The following TMEM260 variants were observed in gnomAD, a reference collection of about 807,000 sequenced individuals.
TMEM260 encodes transmembrane protein 260.
TMEM260 carries 82 observed loss-of-function variants against 88.9 expected under a neutral mutation model. The ratio of observed to expected loss-of-function variants is 0.92; its 90% confidence interval spans 0.77 to 1.11. TMEM260 has a LOEUF of 1.11. Among genes scored for constraint, TMEM260 ranks in the 50% least tolerant of loss-of-function variants. The pLI is 0.00. For synonymous variants in TMEM260, 314 were observed against 309.3 expected (o/e 1.02, Z -0.16); for missense variants, 902 against 853.4 (o/e 1.06, Z -0.71).
chr14:56,616,355 A>G (rs1259234080), intron 8 of TMEM260: 3 of 182,814 alleles, frequency 1.6e-5, no homozygotes, highest in Non-Finnish European at 3.4e-5. Flanking sequence ...TCTGATGATA[A>G]AAGTGATCCG....
chr14:56,581,768 T>C (rs1275785330), intron 1 of TMEM260, among the ~76,000 whole-genome samples: 2 of 152,170 alleles, frequency 1.3e-5, no homozygotes, highest in Non-Finnish European at 2.9e-5. Context: ...TCACACAAAG[T>C]AGAGAAATCA....
At chr14:56,601,858 C>A (rs888448303) in intron 3 of TMEM260, among the ~76,000 whole-genome samples, 3 of 152,088 alleles carry the variant, frequency 2.0e-5, no homozygotes, top group African/African-American at 7.2e-5. Flanking sequence ...CCCCATCATT[C>A]TTTGAGCACT....
chr14:56,652,181 T>G (rs1347602030), downstream of TMEM260, among the ~76,000 whole-genome samples: 1 of 152,142 alleles, frequency 6.6e-6, no homozygotes, highest in Non-Finnish European at 1.5e-5. Flanking sequence ...TTACCCTGGA[T>G]CCTTGAGTAT....
chr14:56,634,695 A>C (rs1415774914), intron 13 of TMEM260, among the ~76,000 whole-genome samples: 1 of 152,084 alleles, frequency 6.6e-6, no homozygotes, highest in African/African-American at 2.4e-5. Context: ...TACAAAAATG[A>C]GCTGGGTGTG....
At chr14:56,585,537 C>T (rs117839811) in intron 2 of TMEM260, among the ~76,000 whole-genome samples, 2,629 of 152,198 alleles carry the variant, frequency 0.017, 33 homozygotes, top group Middle Eastern at 0.041. Context: ...GTCACCCTTT[C>T]TCTGGGTGAC....
chr14:56,633,113 C>T lies in TMEM260; in HGVS notation c.1666C>T (p.Pro556Ser), dbSNP rs752245490. 1.2e-6 allele frequency: 2 copies of T among 1,613,588 alleles called. No individual in the cohort carries two copies. Among genetic ancestry groups the T allele is most frequent in the South Asian group, 2.2e-5 (2 of 91,056 alleles). ...AGTTCCTTTGGAGATTGTATTCAACCCTGAGGAATGGATTAAACTTACAAA... is the reference window on the plus strand; with the variant it reads ...AGTTCCTTTGGAGATTGTATTCAACTCTGAGGAATGGATTAAACTTACAAA... ...KLVPLEIVFNPEEWIKLTKSI... is the reference protein window; with the variant it reads ...KLVPLEIVFNSEEWIKLTKSI... The change falls in exon 13 of 16, where the codon CCT becomes TCT. Residue 556 changes from proline to serine, a missense_variant. Coordinates refer to ENST00000261556, the MANE Select transcript of TMEM260 (RefSeq NM_017799.4).
chr14:56,610,099 A>T (rs1887160415), intron 6 of TMEM260, among the ~76,000 whole-genome samples: 1 of 152,200 alleles, frequency 6.6e-6, no homozygotes, highest in South Asian at 2.1e-4. Flanking sequence ...ATTTATAAAA[A>T]ATAGGGAAAT....
chr14:56,602,966 G>A (rs553097465), intron 3 of TMEM260, among the ~76,000 whole-genome samples: 6 of 152,178 alleles, frequency 3.9e-5, no homozygotes, highest in South Asian at 2.1e-4. Flanking sequence ...TTAGAAATAG[G>A]CATTTCATAA....
intron 11 of TMEM260, among the ~76,000 whole-genome samples, chr14:56,623,619 CA>C (rs2139603382): frequency 6.6e-6 from 1 of 152,240 alleles, no homozygotes; most frequent in Non-Finnish European, 1.5e-5. Flanking sequence ...GGGCAATCAA[CA>C]GTGTCTGATA....
chr14:56,658,942 C>T, the TMEM260 span, among the ~76,000 whole-genome samples: 12 of 151,992 alleles, frequency 7.9e-5, no homozygotes, highest in African/African-American at 2.7e-4. Context: ...GTTGGCCAGG[C>T]TGGTCTTGAA....
chr14:56,636,584 G>T lies in TMEM260; in HGVS notation c.1855G>T (p.Ala619Ser). 2 of 1,613,760 alleles carry T rather than the reference G, an allele frequency of 1.2e-6. No individual in the cohort carries two copies. The highest frequency in any genetic ancestry group is 2.2e-5 in the East Asian group (1 of 44,874). Residue 619 changes from alanine to serine, a missense_variant, in exon 15 of 16, where the codon GCT becomes TCT. Transcript: ENST00000261556. ...MPSKVKAQLY[A>S]QAYDLYKEIV... is the part of the protein sequence containing the mutation. The stretch of plus-strand genomic sequence containing the variant: ...TTCAAAAGTGAAAGCTCAACTCTAC[G>T]CTCAAGCATATGACGTATGTTACAC...
intron 3 of TMEM260, among the ~76,000 whole-genome samples, chr14:56,603,437 T>C (rs1886698188): frequency 6.6e-6 from 1 of 152,190 alleles, no homozygotes; most frequent in Admixed American, 6.5e-5. Flanking sequence ...CATTAATTTT[T>C]ACAATCAAAC....
chr14:56,622,890 G>T (rs1888021039), intron 11 of TMEM260, among the ~76,000 whole-genome samples: 1 of 152,082 alleles, frequency 6.6e-6, no homozygotes, highest in African/African-American at 2.4e-5. Flanking sequence ...TTATATCATG[G>T]ATGCCGATTG....
chr14:56,591,683 C>A (rs918505034), intron 3 of TMEM260, among the ~76,000 whole-genome samples: 3 of 152,072 alleles, frequency 2.0e-5, no homozygotes, highest in Non-Finnish European at 4.4e-5. Flanking sequence ...TAAACAAAAT[C>A]GACTAAAATA....
At chr14:56,604,133 C>G (rs2139553617) in intron 4 of TMEM260, 141 bp downstream of exon 4, 1 of 805,954 alleles carries the variant, frequency 1.2e-6, no homozygotes, top group African/African-American at 1.8e-5. Flanking sequence ...AGAAAATGAT[C>G]TCAGTCTTTT....
At chr14:56,641,310 A>G (rs1481590638) in intron 15 of TMEM260, among the ~76,000 whole-genome samples, 1 of 152,222 alleles carries the variant, frequency 6.6e-6, no homozygotes, top group Non-Finnish European at 1.5e-5. Context: ...GACTAACAGC[A>G]GATCTCTTGG....
intron 2 of TMEM260, 200 bp from the exon 3 acceptor site, chr14:56,585,561 G>T: frequency 1.8e-6 from 1 of 547,410 alleles, no homozygotes; most frequent in Non-Finnish European, 3.2e-6. Context: ...CCATGTGATA[G>T]ACGCTGCCAA....
Position 56,593,677 on chromosome 14 carries a change from C to CTTTTTTTTTTTTTTT in TMEM260, c.344+7779_344+7793dup, listed in dbSNP as rs34268894. 3.1e-5 allele frequency among the ~76,000 whole-genome samples: 2 copies of CTTTTTTTTTTTTTTT among 63,506 alleles called. 1 individual carries two copies. Among genetic ancestry groups the CTTTTTTTTTTTTTTT allele is most frequent in the East Asian group, 9.4e-4 (2 of 2,124 alleles). 41.7% of individuals were successfully genotyped at this position (63,506 alleles called of 152,430 possible). ...ATTATTGGTATTGACAGGTGAGTGT[C>CTTTTTTTTTTTTTTT]TTTTTTTTTTTTTTTTTTTTTTTTT... On this transcript the variant is annotated intron_variant, in intron 3 of 15. Coordinates refer to ENST00000261556, the MANE Select transcript of TMEM260 (RefSeq NM_017799.4).
chr14:56,653,741 C>CAAAAAAAAAAACAAACA (rs1555343552), downstream of TMEM260, among the ~76,000 whole-genome samples: 32 of 97,912 alleles, frequency 3.3e-4, no homozygotes, highest in African/African-American at 1.1e-3. Context: ...GTCTCCAAAA[C>CAAAAAAAAAAACAAACA]AAAAAAAAAA....
Sources: allele counts gnomAD v4.1 joint callset (sites outside exome capture counted in the v4.1 genomes callset), GRCh38; gene constraint gnomAD v4.1.1; transcripts MANE v1.5; gene names NCBI Gene and HGNC (gene_info 2026-07-23, HGNC 2026-07-21).